SLC7A2: variants seen among roughly 807,000 people sequenced by gnomAD.
The protein encoded by SLC7A2 is solute carrier family 7 member 2, also known as cationic amino acid transporter 2.
SLC7A2 carries 48 observed loss-of-function variants against 58.9 expected under a neutral mutation model. The ratio of observed to expected loss-of-function variants is 0.82; its 90% confidence interval spans 0.65 to 1.04. The LOEUF is 1.04. Ranked by LOEUF, SLC7A2 falls within the 50% of genes least tolerant of loss-of-function variation. The pLI is 0.00. For missense variants in SLC7A2, 1,029 were observed against 818.8 expected, an observed-to-expected ratio of 1.26 and a Z score of -3.13; for synonymous variants, 363 against 314.5, an observed-to-expected ratio of 1.15 and a Z score of -1.63.
chr8:17,508,944 T>C (rs201870187), intron 2 of SLC7A2, among the ~76,000 whole-genome samples: 3 of 152,322 alleles, frequency 2.0e-5, no homozygotes, highest in East Asian at 3.9e-4. Flanking sequence ...TTTCAGTTGA[T>C]TGATCGTTGC....
intron 2 of SLC7A2, among the ~76,000 whole-genome samples, chr8:17,529,659 C>T (rs754038191): frequency 1.5e-4 from 23 of 151,868 alleles, no homozygotes; most frequent in Non-Finnish European, 2.6e-4. Context: ...CTCAGCCTCT[C>T]GATTAGCTGG....
chr8:17,559,119 G>C (rs1345137973), intron 9 of SLC7A2, among the ~76,000 whole-genome samples: 1 of 152,006 alleles, frequency 6.6e-6, no homozygotes, highest in African/African-American at 2.4e-5. Context: ...TTTATATGGA[G>C]GGAAAATATT....
intron 12 of SLC7A2, among the ~76,000 whole-genome samples, chr8:17,564,525 C>CA (rs1312511576): frequency 4.6e-5 from 7 of 152,118 alleles, no homozygotes; most frequent in Admixed American, 3.9e-4. Flanking sequence ...TTGTGGAAGA[C>CA]AGTTTTTCCA....
chr8:17,551,466 G>A lies in SLC7A2; in HGVS notation c.833-298G>A, dbSNP rs555852880. 1.2e-3 allele frequency among the ~76,000 whole-genome samples: 190 copies of A among 152,112 alleles called. 4 individuals are homozygous for A. The South Asian group carries it at 0.033, about 26-fold the overall frequency. ...ACAAAAATTAGCCAGGTGTGGTGGC[G>A]CACACCCGTGGTCCCAGCTACTCGG... On this transcript the variant is annotated intron_variant, in intron 6 of 12. Coordinates refer to ENST00000494857, the MANE Select transcript of SLC7A2 (RefSeq NM_001370338.1).
chr8:17,565,190 C>A lies in SLC7A2; in HGVS notation c.*44C>A. 1 of 1,471,064 alleles carries A rather than the reference C, an allele frequency of 6.8e-7. No individual in the cohort carries two copies. The allele number at this position is 1,471,064 out of a possible 1,614,324, so 91.1% of individuals were successfully genotyped here. A position where few individuals can be genotyped will look rare whatever the true frequency, so the allele number is the denominator to read the frequency against. On this transcript the variant is annotated 3_prime_UTR_variant, in exon 13 of 13. Transcript: ENST00000494857. Reference sequence around the variant, plus strand: ...TGGTCATCGTCTTAGCATACATATCCTACACTGAGTAAACCGTAACGGGAT... The same window carrying A: ...TGGTCATCGTCTTAGCATACATATCATACACTGAGTAAACCGTAACGGGAT...
intron 2 of SLC7A2, among the ~76,000 whole-genome samples, chr8:17,540,413 A>G (rs1179187960): frequency 6.6e-6 from 1 of 152,106 alleles, no homozygotes; most frequent in Non-Finnish European, 1.5e-5. Context: ...TTTTTTCCCC[A>G]GAGTAACATG....
At chr8:17,546,106 T>A (rs1476144443) in intron 4 of SLC7A2, among the ~76,000 whole-genome samples, 1 of 152,204 alleles carries the variant, frequency 6.6e-6, no homozygotes, top group African/African-American at 2.4e-5. Flanking sequence ...TTCTAAGCAG[T>A]CTAGCTTAGA....
At chr8:17,537,106 G>C (rs556402594) in intron 2 of SLC7A2, among the ~76,000 whole-genome samples, 3 of 152,274 alleles carry the variant, frequency 2.0e-5, no homozygotes, top group African/African-American at 7.2e-5. Flanking sequence ...GCCCAGGCTG[G>C]AGTGCAGTGG....
chr8:17,551,990 C>T lies in SLC7A2; in HGVS notation c.1055+4C>T, dbSNP rs77115406. On this transcript the variant is annotated splice_donor_region_variant and intron_variant, in intron 7 of 12. Transcript: ENST00000494857. ...CTCTCTGCGCCTTGTCAACAAGGTACATTGCATCGCCTTTGGGGCACGGGC... is the reference window on the plus strand; with the variant it reads ...CTCTCTGCGCCTTGTCAACAAGGTATATTGCATCGCCTTTGGGGCACGGGC... 32,158 of 1,613,014 alleles carry T rather than the reference C, an allele frequency of 0.02. 788 individuals carry two copies. The highest frequency in any genetic ancestry group is 0.097 in the South Asian group (8,857 of 91,026).
intron 2 of SLC7A2, among the ~76,000 whole-genome samples, chr8:17,536,813 A>AG: frequency 6.6e-6 from 1 of 152,270 alleles, no homozygotes; most frequent in East Asian, 1.9e-4. Context: ...AGGCCCGCTC[A>AG]GTACCATCTT....
chr8:17,539,264 A>C (rs1392855917), intron 2 of SLC7A2, among the ~76,000 whole-genome samples: 3 of 152,176 alleles, frequency 2.0e-5, no homozygotes, highest in Non-Finnish European at 1.5e-5. Context: ...CTTTTTGGCA[A>C]GAATTAATAG....
intron 8 of SLC7A2, among the ~76,000 whole-genome samples, chr8:17,557,744 C>G (rs1321519891): frequency 2.0e-5 from 3 of 152,120 alleles, no homozygotes; most frequent in Non-Finnish European, 4.4e-5. Flanking sequence ...ATGACAATCG[C>G]TTGGACCAGG....
chr8:17,563,112 T>C (rs1330937057), intron 11 of SLC7A2, among the ~76,000 whole-genome samples: 1 of 152,148 alleles, frequency 6.6e-6, no homozygotes, highest in Non-Finnish European at 1.5e-5. Context: ...CACTGCACTC[T>C]AGCTTGGGTG....
chr8:17,558,471 C>G (rs1181966755), intron 9 of SLC7A2, 74 bp downstream of exon 9: 2 of 909,682 alleles, frequency 2.2e-6, no homozygotes, highest in East Asian at 5.1e-5. Flanking sequence ...AGCCCTCACT[C>G]TCCTGGCTTC....
intron 2 of SLC7A2, among the ~76,000 whole-genome samples, chr8:17,525,804 T>C (rs2720490): frequency 0.71 from 107,840 of 151,566 alleles, 38,729 homozygotes; most frequent in African/African-American, 0.79. Context: ...AACCTTCCAG[T>C]GAAGGATTCT....
intron 8 of SLC7A2, among the ~76,000 whole-genome samples, chr8:17,556,729 C>T (rs1397121007): frequency 6.6e-6 from 1 of 152,054 alleles, no homozygotes; most frequent in Non-Finnish European, 1.5e-5. Context: ...CTGCCTCAGC[C>T]TCCTGAGTAG....
At chr8:17,563,783 A>C in intron 12 of SLC7A2, 72 bp downstream of exon 12, 2 of 862,668 alleles carry the variant, frequency 2.3e-6, no homozygotes, top group South Asian at 1.5e-5. Flanking sequence ...CCTCTCCCCC[A>C]TCCTGGGAAT....
intron 2 of SLC7A2, among the ~76,000 whole-genome samples, chr8:17,527,012 T>C (rs960652377): frequency 6.6e-6 from 1 of 152,138 alleles, no homozygotes; most frequent in African/African-American, 2.4e-5. Context: ...AAGGGACATC[T>C]TGGTGGCATG....
intron 2 of SLC7A2, chr8:17,510,652 T>C (rs1421599151): frequency 2.6e-5 from 4 of 152,240 alleles, no homozygotes; most frequent in Non-Finnish European, 4.4e-5. Flanking sequence ...TGTCTGTTCA[T>C]ATCTTTTGCC....
Sources: gnomAD v4.1 joint callset for allele counts (sites outside exome capture counted in the v4.1 genomes callset) on GRCh38, gnomAD v4.1.1 for gene constraint, MANE v1.5 for transcripts, NCBI Gene and HGNC (gene_info 2026-07-23, HGNC 2026-07-21) for gene names.